Variants in PIP5K1C observed in about 807,000 individuals in gnomAD.
PIP5K1C encodes the protein phosphatidylinositol-4-phosphate 5-kinase type 1 gamma.
PIP5K1C carries 45 observed loss-of-function variants against 80.1 expected under a neutral mutation model. The ratio of observed to expected loss-of-function variants is 0.56; its 90% CI spans 0.44 to 0.72. The LOEUF (loss-of-function observed/expected upper bound fraction) is 0.72, where lower values mean the gene tolerates loss of function less well. Among genes scored for constraint, PIP5K1C ranks in the 30% least tolerant of loss-of-function variants. PIP5K1C has a pLI of 0.00. For missense variants in PIP5K1C, 753 were observed against 954.6 expected (o/e 0.79, Z 2.78); for synonymous variants, 498 against 420.1 (o/e 1.19, Z -2.27).
At chr19:3,679,331 A>G (rs1470090166) in intron 1 of PIP5K1C, among the ~76,000 whole-genome samples, 1 of 152,106 alleles carries the variant, frequency 6.6e-6, no homozygotes, top group Non-Finnish European at 1.5e-5. Flanking sequence ...TTCCTGCCTC[A>G]GGGGCCTTGC....
At chr19:3,690,863 G>A (rs562103195) in intron 1 of PIP5K1C, among the ~76,000 whole-genome samples, 1 of 152,330 alleles carries the variant, frequency 6.6e-6, no homozygotes, top group East Asian at 1.9e-4. Flanking sequence ...CTTACAAGAA[G>A]GAACTGTGCA....
At chr19:3,640,456 C>T (rs2033913562) in intron 15 of PIP5K1C, among the ~76,000 whole-genome samples, 1 of 152,124 alleles carries the variant, frequency 6.6e-6, no homozygotes, top group African/African-American at 2.4e-5. Flanking sequence ...GTGGAGGTTG[C>T]AGTGAGCCGA....
At chr19:3,636,881 T>C (rs1217067094) in intron 16 of PIP5K1C, 9 of 996,038 alleles carry the variant, frequency 9.0e-6, no homozygotes, top group African/African-American at 1.7e-5. Flanking sequence ...TTGGTCATAA[T>C]GACAACAGCA....
rs1272210765 is a variant in PIP5K1C at position 3,632,799 on chromosome 19, A to G, written c.*368T>C. On this transcript the variant is annotated 3_prime_UTR_variant, in exon 18 of 18. Coordinates refer to ENST00000335312, the MANE Select transcript of PIP5K1C (RefSeq NM_012398.3). ...TCCTCAGGACACAGGCAGGCACAGC[A>G]GAGAACCAAAGAGTGCAGTGGGCAG... The G allele has an allele frequency of 4.1e-6, 1 of 243,680 alleles. No individual in the cohort carries two copies. The highest frequency in any genetic ancestry group is 7.8e-6 in the Non-Finnish European group (1 of 127,560). The allele number at this position is 243,680 out of a possible 1,614,324, so 15.1% of individuals were successfully genotyped here.
intron 8 of PIP5K1C, among the ~76,000 whole-genome samples, chr19:3,650,446 G>T (rs773252782): frequency 2.0e-5 from 3 of 152,230 alleles, no homozygotes; most frequent in Non-Finnish European, 4.4e-5. Context: ...TGTCTATCCC[G>T]CATCCGGGGC....
chr19:3,656,605 C>CA (rs747686126), intron 5 of PIP5K1C, 48 bp from the exon 6 acceptor site: 1 of 1,607,100 alleles, frequency 6.2e-7, no homozygotes, highest in Non-Finnish European at 8.5e-7. Context: ...GCCGGACACA[C>CA]AGACAGCACT....
chr19:3,656,376 C>T (rs1459876482), intron 6 of PIP5K1C, 29 bp downstream of exon 6: 3 of 1,612,166 alleles, frequency 1.9e-6, no homozygotes, highest in Non-Finnish European at 2.5e-6. Flanking sequence ...GACCGAGGAG[C>T]CATCTGCCCC....
At chr19:3,646,644 AG>A (rs1238776521) in intron 10 of PIP5K1C, among the ~76,000 whole-genome samples, 2 of 152,140 alleles carry the variant, frequency 1.3e-5, no homozygotes, top group Non-Finnish European at 2.9e-5. Context: ...CCTGGGCAGC[AG>A]GTTCCGGGCC....
intron 1 of PIP5K1C, among the ~76,000 whole-genome samples, chr19:3,687,559 G>A (rs139912337): frequency 0.011 from 1,603 of 144,482 alleles, 10 homozygotes; most frequent in Non-Finnish European, 0.018. Context: ...ACATGCACAC[G>A]CACACACATG....
intron 9 of PIP5K1C, among the ~76,000 whole-genome samples, chr19:3,647,855 G>A (rs750223696): frequency 3.9e-5 from 6 of 152,230 alleles, no homozygotes; most frequent in African/African-American, 7.2e-5. Flanking sequence ...GCTGGGGCAG[G>A]AGAATAGGGT....
chr19:3,657,598 G>A (rs374204254), intron 5 of PIP5K1C, among the ~76,000 whole-genome samples: 5 of 152,228 alleles, frequency 3.3e-5, no homozygotes, highest in African/African-American at 1.2e-4. Flanking sequence ...CAGGTGGGGG[G>A]TGTCCACGAG....
intron 1 of PIP5K1C, among the ~76,000 whole-genome samples, chr19:3,697,045 T>C (rs1028879292): frequency 8.5e-5 from 12 of 140,438 alleles, no homozygotes; most frequent in Non-Finnish European, 1.1e-4. Context: ...AAAGGAGGAC[T>C]GAGCTGGACC....
chr19:3,648,714 G>C lies in PIP5K1C; in HGVS notation c.1128-6C>G. 1 of 1,611,958 alleles carries C rather than the reference G, an allele frequency of 6.2e-7. No homozygotes were observed. Reference sequence around the variant, plus strand: ...CAGCGGGGATCCCGCCCATCCTGGGGAGAGAGGCCGAGGGTACCATCAGCA... The same window carrying C: ...CAGCGGGGATCCCGCCCATCCTGGGCAGAGAGGCCGAGGGTACCATCAGCA... On this transcript the variant is annotated splice_region_variant and splice_polypyrimidine_tract_variant and intron_variant, in intron 8 of 17. Transcript: ENST00000335312. This position sits in a 1 kb window ranked among gnomAD's most constrained non-coding sequence, Gnocchi z 4.3.
At chr19:3,655,394 G>A (rs528136625) in intron 6 of PIP5K1C, among the ~76,000 whole-genome samples, 1 of 152,342 alleles carries the variant, frequency 6.6e-6, no homozygotes, top group African/African-American at 2.4e-5. Context: ...CTCCAGCCTG[G>A]GTGACAGAGC....
At chr19:3,689,005 G>C (rs1286142972) in intron 1 of PIP5K1C, among the ~76,000 whole-genome samples, 3 of 152,146 alleles carry the variant, frequency 2.0e-5, no homozygotes, top group African/African-American at 7.2e-5. Context: ...GCTCCCTGTG[G>C]ATAAATCAAC....
intron 1 of PIP5K1C, among the ~76,000 whole-genome samples, chr19:3,682,675 C>T (rs2035623457): frequency 6.6e-6 from 1 of 152,036 alleles, no homozygotes; most frequent in African/African-American, 2.4e-5. Context: ...GGTGACAGAG[C>T]AAGACTGTCC....
At position 3,637,205 on chromosome 19, in the gene PIP5K1C, G is replaced by A. The variant is rs2033723418; in HGVS notation, c.1920+1679C>T. On this transcript the variant is annotated intron_variant, in intron 16 of 17. Coordinates refer to ENST00000335312, the MANE Select transcript of PIP5K1C (RefSeq NM_012398.3). This position sits in a 1 kb window ranked among gnomAD's most constrained non-coding sequence, Gnocchi z 7.0. ...GTCCACCCAAGACACCCTGACACGA[G>A]AGGGCTGGGTCCAGGGGCAGAGAGG... 2.1e-6 allele frequency: 3 copies of A among 1,433,742 alleles called. No homozygotes were observed. Among genetic ancestry groups the A allele is most frequent in the Non-Finnish European group, 2.7e-6 (3 of 1,098,916 alleles). 88.8% of individuals were successfully genotyped at this position (1,433,742 alleles called of 1,614,324 possible).
chr19:3,667,857 G>T (rs963929080), intron 1 of PIP5K1C, among the ~76,000 whole-genome samples: 6 of 152,198 alleles, frequency 3.9e-5, no homozygotes, highest in Admixed American at 1.3e-4. Context: ...AGGTGCCAGC[G>T]TGGGGAGTGA....
chr19:3,664,308 A>G (rs2034934641), intron 3 of PIP5K1C, among the ~76,000 whole-genome samples: 2 of 152,200 alleles, frequency 1.3e-5, no homozygotes, highest in African/African-American at 2.4e-5. Flanking sequence ...AACTCTGCAT[A>G]TGTACTAAAA....
Sources: allele counts gnomAD v4.1 joint callset (sites outside exome capture counted in the v4.1 genomes callset), GRCh38; gene constraint gnomAD v4.1.1; non-coding constraint Gnocchi (gnomAD v3.1); transcripts MANE v1.5; gene names NCBI Gene and HGNC (gene_info 2026-07-23, HGNC 2026-07-21).